ARK2N: variants seen among roughly 807,000 people sequenced by gnomAD.
ARK2N encodes the protein protein ARK2N.
At chr18:46,208,943 T>G in the ARK2N span, among the ~76,000 whole-genome samples, 1 of 152,210 alleles carries the variant, frequency 6.6e-6, no homozygotes, top group African/African-American at 2.4e-5. Flanking sequence ...AATATTAGCC[T>G]GTATCATTTA....
chr18:46,204,103 TC>T, the ARK2N span, among the ~76,000 whole-genome samples: 1 of 151,156 alleles, frequency 6.6e-6, no homozygotes, highest in African/African-American at 2.4e-5. Context: ...ATTTTTATGT[TC>T]TTTTTTTTTT....
the ARK2N span, among the ~76,000 whole-genome samples, chr18:46,194,561 C>T: frequency 6.6e-6 from 1 of 151,920 alleles, no homozygotes; most frequent in Admixed American, 6.6e-5. Context: ...CAGCCTCCGC[C>T]TCCTGGGTTC....
At chr18:46,216,782 T>C in the ARK2N span, 3 of 568,882 alleles carry the variant, frequency 5.3e-6, no homozygotes, top group African/African-American at 3.7e-5. The surrounding 1 kb of genome is among the most constrained non-coding windows in gnomAD (Gnocchi z 4.3). Context: ...CAGTGAACTT[T>C]AGCACATCAG....
At chr18:46,202,134 CTAG>C in the ARK2N span, among the ~76,000 whole-genome samples, 2 of 152,150 alleles carry the variant, frequency 1.3e-5, no homozygotes, top group Non-Finnish European at 2.9e-5. Context: ...TGTTCTCAAA[CTAG>C]TATGGTATTT....
At chr18:46,186,208 T>G in the ARK2N span, among the ~76,000 whole-genome samples, 2 of 151,968 alleles carry the variant, frequency 1.3e-5, no homozygotes, top group Non-Finnish European at 2.9e-5. Flanking sequence ...GAATTTTTTT[T>G]TTTTTTGAGA....
the ARK2N span, among the ~76,000 whole-genome samples, chr18:46,234,164 G>A: frequency 4.9e-3 from 753 of 152,146 alleles, 10 homozygotes; most frequent in African/African-American, 0.017. Flanking sequence ...TAGTTAAAAG[G>A]CCGAGAAGCG....
the ARK2N span, among the ~76,000 whole-genome samples, chr18:46,224,226 T>G: frequency 1.3e-5 from 2 of 152,218 alleles, no homozygotes; most frequent in Non-Finnish European, 2.9e-5. Context: ...GGGAAGGATG[T>G]GATTTGTAGT....
chr18:46,251,827 A>G, the ARK2N span, among the ~76,000 whole-genome samples: 1 of 152,132 alleles, frequency 6.6e-6, no homozygotes, highest in Non-Finnish European at 1.5e-5. Flanking sequence ...AGGTATAAAA[A>G]TTGTAAGCCT....
chr18:46,249,253 G>A, the ARK2N span, among the ~76,000 whole-genome samples: 1,128 of 151,826 alleles, frequency 7.4e-3, 7 homozygotes, highest in Non-Finnish European at 0.013. Flanking sequence ...TTTTTGAGAC[G>A]GAGTCTTGCT....
chr18:46,237,388 CTTTTT>C, the ARK2N span, among the ~76,000 whole-genome samples: 1 of 127,946 alleles, frequency 7.8e-6, no homozygotes. Context: ...AGGCCAAGTG[CTTTTT>C]TTTTTTTTTT....
the ARK2N span, among the ~76,000 whole-genome samples, chr18:46,212,627 T>C: frequency 3.3e-5 from 5 of 152,322 alleles, no homozygotes; most frequent in African/African-American, 9.6e-5. Flanking sequence ...CATATTTAAG[T>C]GGTTTTGACT....
At chr18:46,206,804 C>A in the ARK2N span, among the ~76,000 whole-genome samples, 1 of 151,912 alleles carries the variant, frequency 6.6e-6, no homozygotes, top group Non-Finnish European at 1.5e-5. Context: ...TGAGACAGGG[C>A]CTCACTCTGT....
At chr18:46,250,129 C>T in the ARK2N span, among the ~76,000 whole-genome samples, 1 of 152,088 alleles carries the variant, frequency 6.6e-6, no homozygotes, top group South Asian at 2.1e-4. Context: ...TGTATTTCCT[C>T]TTTAGACCTC....
chr18:46,226,900 G>T, the ARK2N span, among the ~76,000 whole-genome samples: 1 of 150,480 alleles, frequency 6.6e-6, no homozygotes, highest in African/African-American at 2.5e-5. Context: ...CTCTGCCTCC[G>T]GGGTTCAAGT....
the ARK2N span, among the ~76,000 whole-genome samples, chr18:46,214,052 TG>T: frequency 1.3e-5 from 2 of 152,294 alleles, no homozygotes; most frequent in East Asian, 3.9e-4. Flanking sequence ...CTGGTTTCCA[TG>T]AATGTGTTAA....
chr18:46,260,476 C>G, the ARK2N span, among the ~76,000 whole-genome samples: 1 of 151,980 alleles, frequency 6.6e-6, no homozygotes, highest in Non-Finnish European at 1.5e-5. Context: ...GCCCAGTGTC[C>G]TACTAATAAA....
chr18:46,257,070 C>T, the ARK2N span, among the ~76,000 whole-genome samples: 3 of 152,142 alleles, frequency 2.0e-5, no homozygotes, highest in Admixed American at 2.0e-4. Flanking sequence ...TGATCCACAT[C>T]TTTTTGTTCT....
At chr18:46,179,921 G>A in the ARK2N span, among the ~76,000 whole-genome samples, 2 of 151,970 alleles carry the variant, frequency 1.3e-5, no homozygotes, top group Admixed American at 6.6e-5. Flanking sequence ...CACTGCGCCC[G>A]GCCTAAAGTT....
At chr18:46,234,432 C>G in the ARK2N span, among the ~76,000 whole-genome samples, 3 of 152,132 alleles carry the variant, frequency 2.0e-5, no homozygotes, top group Non-Finnish European at 4.4e-5. Flanking sequence ...CTCCAGATCT[C>G]AAGTGATCCA....
Sources: allele counts gnomAD v4.1 joint callset (sites outside exome capture counted in the v4.1 genomes callset), GRCh38; gene constraint gnomAD v4.1.1; non-coding constraint Gnocchi (gnomAD v3.1); transcripts MANE v1.5; gene names NCBI Gene and HGNC (gene_info 2026-07-23, HGNC 2026-07-21).